SLCO3A1: variants seen among roughly 807,000 people sequenced by gnomAD.
SLCO3A1 encodes solute carrier organic anion transporter family member 3A1.
A neutral mutation model predicts 63.1 loss-of-function variants in SLCO3A1; 27 were observed. That is an observed-to-expected ratio of 0.43 (90% confidence interval 0.32 to 0.59). The LOEUF is 0.59. SLCO3A1 is among the 20% of genes least tolerant of loss of function. The pLI is 0.09. For missense variants in SLCO3A1, 773 were observed against 945.8 expected, an observed-to-expected ratio of 0.82 and a Z score of 2.40; for synonymous variants, 473 against 409.9, an observed-to-expected ratio of 1.15 and a Z score of -1.86.
At position 91,942,629 on chromosome 15, in the gene SLCO3A1, G is replaced by A. The variant is rs943288690; in HGVS notation, c.646+26171G>A. On this transcript the variant is annotated intron_variant, in intron 2 of 9. Coordinates refer to ENST00000318445, the MANE Select transcript of SLCO3A1 (RefSeq NM_013272.4). This position sits in a 1 kb window ranked among gnomAD's most constrained non-coding sequence, Gnocchi z 4.1. ...GACCGAGTCTTGCTCTGTCGACCAG[G>A]CTGGATTGCAGTGGCCCAATCTCAG... 6.6e-6 allele frequency among the ~76,000 whole-genome samples: 1 copy of A among 152,184 alleles called. No homozygotes were observed. The highest frequency in any genetic ancestry group is 1.5e-5 in the Non-Finnish European group (1 of 68,034).
chr15:92,091,522 C>T (rs1009450281), intron 2 of SLCO3A1, among the ~76,000 whole-genome samples: 7 of 152,330 alleles, frequency 4.6e-5, no homozygotes, highest in South Asian at 2.1e-4. Context: ...CTCAGCATAA[C>T]CGTTGTTAGC....
chr15:92,150,788 A>AG (rs1184289409), intron 8 of SLCO3A1, among the ~76,000 whole-genome samples, 162 bp from the exon 9 acceptor site: 2 of 152,064 alleles, frequency 1.3e-5, no homozygotes, highest in African/African-American at 4.8e-5. Flanking sequence ...GACTTTAGGC[A>AG]GAAAAAAAAA....
At chr15:91,911,905 G>A (rs935722623) in intron 1 of SLCO3A1, among the ~76,000 whole-genome samples, 3 of 152,048 alleles carry the variant, frequency 2.0e-5, no homozygotes, top group African/African-American at 4.8e-5. Context: ...GATTACAGTC[G>A]TGAGCCACTG....
chr15:92,157,653 A>G (rs1445101535), intron 9 of SLCO3A1, among the ~76,000 whole-genome samples: 3 of 152,062 alleles, frequency 2.0e-5, no homozygotes, highest in African/African-American at 4.8e-5. Flanking sequence ...GGGGGTTATT[A>G]TTCACTGAAT....
At chr15:92,107,006 T>C (rs933948714) in intron 4 of SLCO3A1, among the ~76,000 whole-genome samples, 16 of 152,228 alleles carry the variant, frequency 1.1e-4, no homozygotes, top group African/African-American at 3.6e-4. Flanking sequence ...ACTTATATTC[T>C]GGAGCTTATG....
chr15:92,042,263 G>A (rs2046809248), intron 2 of SLCO3A1, among the ~76,000 whole-genome samples: 1 of 152,154 alleles, frequency 6.6e-6, no homozygotes, highest in East Asian at 1.9e-4. Flanking sequence ...CCAGGCAGAG[G>A]CTGTGCAAAC....
intron 5 of SLCO3A1, among the ~76,000 whole-genome samples, chr15:92,122,079 G>A (rs1199076386): frequency 6.6e-6 from 1 of 152,182 alleles, no homozygotes; most frequent in Non-Finnish European, 1.5e-5. Context: ...GTGACTATGT[G>A]GTTGCTGGGA....
At chr15:92,013,220 G>A (rs967194320) in intron 2 of SLCO3A1, among the ~76,000 whole-genome samples, 2 of 152,242 alleles carry the variant, frequency 1.3e-5, no homozygotes, top group African/African-American at 4.8e-5. Flanking sequence ...TAGAGGGAAT[G>A]TGAACTTGGA....
chr15:92,125,419 C>A (rs755039230), intron 5 of SLCO3A1, among the ~76,000 whole-genome samples: 4 of 152,074 alleles, frequency 2.6e-5, no homozygotes, highest in Admixed American at 2.0e-4. Context: ...TTGTAGATAG[C>A]CCTGGGTAGA....
At chr15:91,931,812 C>CACAT (rs1899244656) in intron 2 of SLCO3A1, among the ~76,000 whole-genome samples, 2 of 151,926 alleles carry the variant, frequency 1.3e-5, no homozygotes, top group African/African-American at 4.8e-5. Flanking sequence ...CACACACACA[C>CACAT]ACACACACAC....
chr15:92,070,142 A>T (rs1292816626), intron 2 of SLCO3A1, among the ~76,000 whole-genome samples: 1 of 152,124 alleles, frequency 6.6e-6, no homozygotes. Context: ...GCCTTAAGAA[A>T]TCACTCACGC....
At chr15:91,891,154 A>G (rs1897859587) in intron 1 of SLCO3A1, among the ~76,000 whole-genome samples, 1 of 151,886 alleles carries the variant, frequency 6.6e-6, no homozygotes, top group African/African-American at 2.4e-5. Flanking sequence ...AAAAAAAAAA[A>G]AGAGTGATAG....
intron 1 of SLCO3A1, among the ~76,000 whole-genome samples, chr15:91,891,456 G>T (rs988836608): frequency 6.6e-6 from 1 of 152,128 alleles, no homozygotes; most frequent in Admixed American, 6.5e-5. Flanking sequence ...GGTCAGCTAA[G>T]CCTTCTGTTG....
intron 2 of SLCO3A1, among the ~76,000 whole-genome samples, chr15:92,017,295 TAGGGA>T (rs2046450025): frequency 6.9e-6 from 1 of 145,726 alleles, no homozygotes; most frequent in African/African-American, 2.5e-5. Flanking sequence ...TGGGGGGGGG[TAGGGA>T]AAGAGCAGGT....
intron 2 of SLCO3A1, among the ~76,000 whole-genome samples, chr15:92,072,941 G>C (rs1285668723): frequency 6.6e-6 from 1 of 152,046 alleles, no homozygotes; most frequent in Non-Finnish European, 1.5e-5. Flanking sequence ...ATTCAACCCA[G>C]TACAAAAACC....
intron 1 of SLCO3A1, among the ~76,000 whole-genome samples, chr15:91,858,900 A>G (rs1318845278): frequency 6.6e-6 from 1 of 152,248 alleles, no homozygotes; most frequent in Non-Finnish European, 1.5e-5. Flanking sequence ...AAAAATGATG[A>G]GGATACAGCT....
At chr15:92,158,800 C>G (rs2048402665) in intron 9 of SLCO3A1, among the ~76,000 whole-genome samples, 1 of 152,214 alleles carries the variant, frequency 6.6e-6, no homozygotes, top group African/African-American at 2.4e-5. Context: ...GTCCGCACAC[C>G]TGCAGTTTAG....
chr15:92,090,470 A>C (rs2047458436), intron 2 of SLCO3A1, among the ~76,000 whole-genome samples: 1 of 152,220 alleles, frequency 6.6e-6, no homozygotes, highest in Non-Finnish European at 1.5e-5. Flanking sequence ...ACTGCATTCA[A>C]ACCCTTGTCC....
intron 2 of SLCO3A1, among the ~76,000 whole-genome samples, chr15:91,983,519 G>T (rs80002858): frequency 1.3e-5 from 2 of 152,052 alleles, no homozygotes; most frequent in Non-Finnish European, 2.9e-5. Flanking sequence ...TGACTGTCCC[G>T]GACAGATTGA....
Sources: gnomAD v4.1 joint callset for allele counts (sites outside exome capture counted in the v4.1 genomes callset) on GRCh38, gnomAD v4.1.1 for gene constraint, Gnocchi (gnomAD v3.1) non-coding constraint, MANE v1.5 for transcripts, NCBI Gene and HGNC (gene_info 2026-07-23, HGNC 2026-07-21) for gene names.